Variants in CCNL2 observed in about 807,000 individuals in gnomAD.
CCNL2 encodes the protein cyclin L2.
In CCNL2, 28 loss-of-function variants were observed where a neutral mutation model predicts 59.1. The observed-to-expected ratio is 0.47, with a 90% CI of 0.35 to 0.65. The LOEUF (loss-of-function observed/expected upper bound fraction) is 0.65, where lower values mean the gene tolerates loss of function less well. CCNL2 is among the 30% of genes least tolerant of loss of function. The pLI is 0.00. For missense variants in CCNL2, 714 were observed against 717.4 expected (o/e 1.00, Z 0.05); for synonymous variants, 342 against 288.6 (o/e 1.19, Z -1.88).
Position 1,388,051 on chromosome 1 carries a change from CT to C in CCNL2, c.1020del (p.Glu341LysfsTer12), listed in dbSNP as rs2100264736. 1 of 1,613,546 alleles carries C rather than the reference CT, an allele frequency of 6.2e-7. No individual in the cohort carries two copies. Among genetic ancestry groups the C allele is most frequent in the Non-Finnish European group, 8.5e-7 (1 of 1,179,672 alleles). Reference protein sequence around the residue: ...SPAPKLVESPKEGKGSKPSPL... With the variant: ...SPAPKLVESPXEGKGSKPSPL... ...GGGGAAGGCTTGCTCCCTTTACCTT[CT>C]TTGGGGGATTCCACTAGAATCAGAA... is the stretch of plus-strand genomic sequence containing the variant. On this transcript the variant is annotated frameshift_variant, in exon 9 of 11. Coordinates refer to ENST00000400809, the MANE Select transcript of CCNL2 (RefSeq NM_030937.6). LOFTEE classifies it high-confidence loss of function.
At position 1,392,726 on chromosome 1, in the gene CCNL2, T is replaced by C. The variant is rs942420287; in HGVS notation, c.659+670A>G. 71 of 1,597,760 alleles carry C rather than the reference T, an allele frequency of 4.4e-5. 1 individual carries two copies. In the Admixed American group the frequency reaches 1.1e-3, roughly 25 times the overall value. ...GGTGGAGAGCCTGCACTGGATTGGC[T>C]GAAGATGCCGCTGTCCCTGCACCAA... On this transcript the variant is annotated intron_variant, in intron 5 of 10. Coordinates refer to ENST00000400809, the MANE Select transcript of CCNL2 (RefSeq NM_030937.6).
chr1:1,398,206 T>C (rs768237966), intron 3 of CCNL2, 27 bp downstream of exon 3: 6 of 1,608,134 alleles, frequency 3.7e-6, no homozygotes, highest in South Asian at 1.1e-5. Flanking sequence ...GCATCTATGA[T>C]AGACTAGACA....
intron 3 of CCNL2, among the ~76,000 whole-genome samples, chr1:1,397,645 G>A (rs1262412011): frequency 6.6e-6 from 1 of 152,120 alleles, no homozygotes; most frequent in Non-Finnish European, 1.5e-5. Flanking sequence ...GCAAATCCTT[G>A]GAGCCCAGGA....
In CCNL2 at chr1:1,395,579, C is replaced by T. The variant is rs113459307; in HGVS notation, c.474-65G>A. 19,250 of 1,598,282 alleles carry T rather than the reference C, an allele frequency of 0.012. 1,938 individuals carry two copies. In the African/African-American group the frequency reaches 0.22, roughly 18 times the overall value. On this transcript the variant is annotated intron_variant, in intron 3 of 10. Transcript: ENST00000400809. ...CAGAGCAAGGCTTCTGAGATCCCGTCGTTACCTCCAACTATGAGCACCTAA... is the reference window on the plus strand; with the variant it reads ...CAGAGCAAGGCTTCTGAGATCCCGTTGTTACCTCCAACTATGAGCACCTAA...
intron 8 of CCNL2, chr1:1,388,700 G>C: frequency 2.3e-6 from 1 of 429,308 alleles, no homozygotes; most frequent in South Asian, 1.7e-5. Flanking sequence ...GAATCTGGTA[G>C]GCGGAGCTTG....
intron 4 of CCNL2, 33 bp from the exon 5 acceptor site, chr1:1,393,493 G>C: frequency 6.3e-7 from 1 of 1,583,938 alleles, no homozygotes; most frequent in Non-Finnish European, 8.7e-7. Context: ...TTATTACCAA[G>C]AACCTTAAGA....
intron 10 of CCNL2, 47 bp downstream of exon 10, chr1:1,387,730 A>G: frequency 6.5e-7 from 1 of 1,527,268 alleles, no homozygotes; most frequent in Non-Finnish European, 8.9e-7. Context: ...CCCGAGGGAC[A>G]GCCCCACCCC....
rs1425005281 is a variant in CCNL2 at position 1,395,836 on chromosome 1, T to C, written c.474-322A>G. Among the ~76,000 whole-genome samples the C allele has an allele frequency of 2.6e-5, 4 of 152,086 alleles. 1 individual carries two copies. Among genetic ancestry groups the C allele is most frequent in the African/African-American group, 9.7e-5 (4 of 41,406 alleles). ...CTTTATGTGACTCACGATAGGAAGG[T>C]ACATATTCACAGTTCAATAACCACA... On this transcript the variant is annotated intron_variant, in intron 3 of 10. Coordinates refer to ENST00000400809, the MANE Select transcript of CCNL2 (RefSeq NM_030937.6).
At chr1:1,396,798 GA>G (rs1289509795) in intron 3 of CCNL2, among the ~76,000 whole-genome samples, 1 of 150,508 alleles carries the variant, frequency 6.6e-6, no homozygotes, top group Non-Finnish European at 1.5e-5. Flanking sequence ...GCCCAGGCTG[GA>G]GTGCAGTGGC....
chr1:1,388,521 A>AAAAAC lies in CCNL2; in HGVS notation c.1007-461_1007-457dup, dbSNP rs552821026. Reference sequence around the variant, plus strand: ...CAACACAGCGAGACTCTGTCTCAAGAAAAACAAAACAAAACAAAAAAACCC... The same window carrying AAAAAC: ...CAACACAGCGAGACTCTGTCTCAAGAAAAACAAAACAAAACAAAACAAAAAAACCC... On this transcript the variant is annotated intron_variant, in intron 8 of 10. Transcript: ENST00000400809. 8.4e-5 allele frequency: 38 copies of AAAAAC among 453,192 alleles called. 1 individual carries two copies. Among genetic ancestry groups the AAAAAC allele is most frequent in the Admixed American group, 6.6e-4 (28 of 42,378 alleles). 28.1% of individuals were successfully genotyped at this position (453,192 alleles called of 1,614,324 possible). A position where few individuals can be genotyped will look rare whatever the true frequency, so the allele number is the denominator to read the frequency against.
chr1:1,387,298 C>T lies in CCNL2; in HGVS notation c.1496G>A (p.Arg499Lys), dbSNP rs752309244. The change falls in exon 11 of 11, where the codon AGG (arginine) becomes AAG (lysine). Residue 499 changes from arginine to lysine, a missense_variant. Physicochemically the swap from Arg to Lys is conservative, Grantham distance 26. Around this residue, in one of 5 missense-constraint regions of CCNL2, gnomAD observed 403 missense variants for 377.7 expected, o/e 1.07. Coordinates refer to ENST00000400809, the MANE Select transcript of CCNL2 (RefSeq NM_030937.6). ...YYRDQRRERS[R>K]SYERTGRRYE... ...GCGACGGCCTGTGCGTTCATACGACCTCGAGCGCTCTCGTCGCTGATCTCT... is the reference window on the plus strand; with the variant it reads ...GCGACGGCCTGTGCGTTCATACGACTTCGAGCGCTCTCGTCGCTGATCTCT... 25 of 1,613,468 alleles carry T rather than the reference C, an allele frequency of 1.5e-5. No homozygotes were observed. The Middle Eastern group carries it at 2.1e-3, about 138-fold the overall frequency.
chr1:1,390,681 T>C, intron 6 of CCNL2, 85 bp downstream of exon 6: 1 of 1,491,708 alleles, frequency 6.7e-7, no homozygotes, highest in East Asian at 2.3e-5. Flanking sequence ...ATTAGAGTAA[T>C]TTGAAGAATA....
chr1:1,392,585 A>G, intron 5 of CCNL2: 1 of 1,426,512 alleles, frequency 7.0e-7, no homozygotes, highest in African/African-American at 1.4e-5. Context: ...AACTCTAATC[A>G]ATACGATTAC....
intron 3 of CCNL2, 63 bp from the exon 4 acceptor site, chr1:1,395,577 G>A (rs538271798): frequency 9.4e-6 from 15 of 1,599,506 alleles, no homozygotes; most frequent in East Asian, 4.5e-5. Flanking sequence ...CTGAGATCCC[G>A]TCGTTACCTC....
At chr1:1,393,610 G>C in intron 4 of CCNL2, 150 bp from the exon 5 acceptor site, 1 of 688,146 alleles carries the variant, frequency 1.5e-6, no homozygotes. Context: ...CAGCTGGAGG[G>C]AGCTTTGCGA....
chr1:1,391,140 G>A (rs944226835), intron 5 of CCNL2: 15 of 1,222,530 alleles, frequency 1.2e-5, no homozygotes, highest in Non-Finnish European at 1.4e-5. Flanking sequence ...TGCTATGAAA[G>A]AGAACCGACT....
chr1:1,391,499 G>A, intron 5 of CCNL2: 1 of 1,296,418 alleles, frequency 7.7e-7, no homozygotes, highest in Non-Finnish European at 1.0e-6. Context: ...CGTGCGGAGG[G>A]AGACTCCGCA....
In CCNL2 at chr1:1,387,221, C is replaced by G. The variant is rs201094209; in HGVS notation, c.*10G>C. The G allele has an allele frequency of 4.4e-6, 7 of 1,592,482 alleles. No individual in the cohort carries two copies. The African/African-American group carries it at 9.4e-5, about 21-fold the overall frequency. On this transcript the variant is annotated 3_prime_UTR_variant, in exon 11 of 11. Coordinates refer to ENST00000400809, the MANE Select transcript of CCNL2 (RefSeq NM_030937.6). ...AAGGGCTTGCGGCCACCAGTCACTGCAACCCCGCCTCACCTCCGATGCCTG... is the reference window on the plus strand; with the variant it reads ...AAGGGCTTGCGGCCACCAGTCACTGGAACCCCGCCTCACCTCCGATGCCTG...
In CCNL2 at chr1:1,388,327, C is replaced by G. The variant is rs1267952890; in HGVS notation, c.1007-262G>C. 3 of 462,988 alleles carry G rather than the reference C, an allele frequency of 6.5e-6. No homozygotes were observed. The Admixed American group carries it at 1.0e-4, about 16-fold the overall frequency. 28.7% of individuals were successfully genotyped at this position (462,988 alleles called of 1,614,324 possible). ...CACAAAGTCAATACATTGAGACCAT[C>G]CTGCCCAACATGGTGAAACCCCATC... On this transcript the variant is annotated intron_variant, in intron 8 of 10. Coordinates refer to ENST00000400809, the MANE Select transcript of CCNL2 (RefSeq NM_030937.6).
Sources: allele counts gnomAD v4.1 joint callset (sites outside exome capture counted in the v4.1 genomes callset), GRCh38; gene constraint gnomAD v4.1.1; regional missense constraint gnomAD v4.1.1; transcripts MANE v1.5; gene names NCBI Gene and HGNC (gene_info 2026-07-23, HGNC 2026-07-21).